VWF: variants seen among roughly 807,000 people sequenced by gnomAD.
VWF encodes the protein von Willebrand factor.
Under a neutral mutation model 308.6 loss-of-function variants are expected in VWF, and 176 were observed. The observed-to-expected ratio is 0.57, with a 90% confidence interval of 0.50 to 0.65. The LOEUF (loss-of-function observed/expected upper bound fraction) is 0.65, where lower values mean the gene tolerates loss of function less well. Ranked by LOEUF, VWF falls within the 30% of genes least tolerant of loss-of-function variation. The pLI is 0.00. For synonymous variants in VWF, 1,385 were observed against 1,443.4 expected, an observed-to-expected ratio of 0.96 and a Z score of 0.92; for missense variants, 3,146 against 3,648.2, an observed-to-expected ratio of 0.86 and a Z score of 3.55.
chr12:6,058,144 C>G lies in VWF; in HGVS notation c.1534-100G>C. 2 of 1,278,358 alleles carry G rather than the reference C, an allele frequency of 1.6e-6. No individual in the cohort carries two copies. The highest frequency in any genetic ancestry group is 1.5e-5 in the African/African-American group (1 of 66,040). 79.2% of individuals were successfully genotyped at this position (1,278,358 alleles called of 1,614,324 possible). A position where few individuals can be genotyped will look rare whatever the true frequency, so the allele number is the denominator to read the frequency against. On this transcript the variant is annotated intron_variant, in intron 13 of 51. Coordinates refer to ENST00000261405, the MANE Select transcript of VWF (RefSeq NM_000552.5). This position sits in a 1 kb window ranked among gnomAD's most constrained non-coding sequence, Gnocchi z 4.9. ...TTTTAATAAAAAAAAAAAAGTTCCC[C>G]GGGTGAAACATAAATATGAATGTAA... is the stretch of plus-strand genomic sequence containing the variant.
chr12:6,093,292 C>T (rs1565387020), intron 6 of VWF, among the ~76,000 whole-genome samples: 1 of 152,068 alleles, frequency 6.6e-6, no homozygotes, highest in Non-Finnish European at 1.5e-5. Context: ...GCCAAGGGCT[C>T]ACCACTGAGT....
At chr12:6,039,741 G>A (rs1166380700) in intron 18 of VWF, among the ~76,000 whole-genome samples, 3 of 152,124 alleles carry the variant, frequency 2.0e-5, no homozygotes, top group Non-Finnish European at 2.9e-5. Flanking sequence ...ATGTGAGGCC[G>A]CCTCTGGATG....
At chr12:5,995,134 G>C (rs981093732) in intron 35 of VWF, among the ~76,000 whole-genome samples, 4 of 152,088 alleles carry the variant, frequency 2.6e-5, no homozygotes, top group African/African-American at 7.2e-5. Context: ...TCCTCTTCCA[G>C]TGTGGCCCAG....
chr12:6,077,683 G>A (rs893156106), intron 6 of VWF, among the ~76,000 whole-genome samples: 8 of 152,198 alleles, frequency 5.3e-5, no homozygotes, highest in African/African-American at 1.7e-4. Flanking sequence ...GCACCACGTA[G>A]GCCAGCCATG....
chr12:5,977,920 A>G (rs1943550445), intron 42 of VWF, among the ~76,000 whole-genome samples: 1 of 148,298 alleles, frequency 6.7e-6, no homozygotes, highest in Non-Finnish European at 1.5e-5. Flanking sequence ...TATATAAATT[A>G]TAGGGTGGAG....
At position 5,994,142 on chromosome 12, in the gene VWF, G is replaced by A. The variant is rs776779205; in HGVS notation, c.6318C>T (p.Asp2106=). The change falls in exon 37 of 52, where the codon GAC becomes GAT. Residue 2106 remains aspartate, a synonymous_variant. Transcript: ENST00000261405. ...FMLRDGTVTT[D]WKTLVQEWTV... ...TCCATTCCTGAACAAGTGTTTTCCA[G>A]TCTGTGGTGACTGTGCCATCCCTCA... 5 of 1,614,074 alleles carry A rather than the reference G, an allele frequency of 3.1e-6. No homozygotes were observed. In the African/African-American group the frequency reaches 6.7e-5, roughly 22 times the overall value.
At chr12:5,971,264 T>C (rs953643795) in intron 44 of VWF, among the ~76,000 whole-genome samples, 1 of 152,216 alleles carries the variant, frequency 6.6e-6, no homozygotes, top group Non-Finnish European at 1.5e-5. Context: ...AGAACAGTAC[T>C]TGCAGCCTGT....
chr12:6,108,752 G>A (rs6489692), intron 5 of VWF, among the ~76,000 whole-genome samples: 97,107 of 151,828 alleles, frequency 0.64, 31,447 homozygotes, highest in African/African-American at 0.71. Context: ...GAGGCCGAGG[G>A]GGGCAGATCA....
At chr12:6,026,374 T>C (rs182003672) in intron 22 of VWF, among the ~76,000 whole-genome samples, 11 of 152,128 alleles carry the variant, frequency 7.2e-5, no homozygotes, top group Non-Finnish European at 1.5e-4. Flanking sequence ...ACTATCACTG[T>C]CCCCAACAAG....
chr12:6,064,236 C>T lies in VWF; in HGVS notation c.1432+10G>A, dbSNP rs767645999. 35 of 1,613,976 alleles carry T rather than the reference C, an allele frequency of 2.2e-5. No individual in the cohort carries two copies. The highest frequency in any genetic ancestry group is 2.1e-4 in the African/African-American group (16 of 74,934). On this transcript the variant is annotated intron_variant, in intron 12 of 51. Transcript: ENST00000261405. ...CAGCCCCAGGCCTGATGGAGCAGGA[C>T]GAAGCATACCTTTCAGGAGGGGGAG...
chr12:6,100,471 A>G (rs1445251420), intron 5 of VWF, among the ~76,000 whole-genome samples: 1 of 151,378 alleles, frequency 6.6e-6, no homozygotes, highest in African/African-American at 2.5e-5. Context: ...TATTCACAAT[A>G]GCAAAGACTT....
chr12:6,092,622 T>TGAGTGAGTGAGAGAGAGA (rs1403649370), intron 6 of VWF, among the ~76,000 whole-genome samples: 1 of 91,492 alleles, frequency 1.1e-5, no homozygotes, highest in South Asian at 3.2e-4. Flanking sequence ...AGTGAGAGTG[T>TGAGTGAGTGAGAGAGAGA]GTGTGTGTGT....
chr12:6,055,059 C>G (rs139453984), intron 15 of VWF, among the ~76,000 whole-genome samples: 1 of 152,278 alleles, frequency 6.6e-6, no homozygotes, highest in Non-Finnish European at 1.5e-5. Context: ...TCCTACCACC[C>G]TTTCTACCCT....
chr12:6,041,965 G>T (rs1944401488), intron 18 of VWF, among the ~76,000 whole-genome samples: 1 of 152,186 alleles, frequency 6.6e-6, no homozygotes, highest in Non-Finnish European at 1.5e-5. Context: ...AAACAACAAT[G>T]AAAGCTATTC....
chr12:6,036,365 C>G, intron 19 of VWF, 23 bp downstream of exon 19: 2 of 1,611,500 alleles, frequency 1.2e-6, no homozygotes, highest in Non-Finnish European at 8.5e-7. Flanking sequence ...GGGTCCCCGG[C>G]GCAGCCCCTC....
rs76516907 is a variant in VWF at position 6,046,980 on chromosome 12, G to A, written c.2187-163C>T. Among the ~76,000 whole-genome samples, 4,295 of 152,138 alleles carry A rather than the reference G, an allele frequency of 0.028. 189 individuals carry two copies. Among genetic ancestry groups the A allele is most frequent in the African/African-American group, 0.099 (4,099 of 41,472 alleles). On this transcript the variant is annotated intron_variant, in intron 16 of 51. Transcript: ENST00000261405. The surrounding 1 kb of genome is among the most constrained non-coding windows in gnomAD (Gnocchi z 5.0). The stretch of plus-strand genomic sequence containing the variant: ...AACGTTACCAATGGATGATCCCCAC[G>A]TCACTAAATCCCATGGGACTTTTTT...
At chr12:5,966,457 C>T (rs1028605481) in intron 47 of VWF, among the ~76,000 whole-genome samples, 147 of 152,264 alleles carry the variant, frequency 9.7e-4, no homozygotes, top group Non-Finnish European at 7.4e-5. Flanking sequence ...CAGACCCATC[C>T]GCTCCATACT....
chr12:5,971,797 G>A (rs916030101), intron 43 of VWF, 88 bp from the exon 44 acceptor site: 140 of 1,187,058 alleles, frequency 1.2e-4, no homozygotes, highest in Non-Finnish European at 1.7e-4. Flanking sequence ...CTGAGCCCTG[G>A]GGTTGTGCCA....
chr12:6,097,613 G>C (rs959866199), intron 5 of VWF, among the ~76,000 whole-genome samples: 1 of 152,152 alleles, frequency 6.6e-6, no homozygotes, highest in Non-Finnish European at 1.5e-5. Flanking sequence ...GATGCTTCCC[G>C]AGAGCTTCTG....
Sources: gnomAD v4.1 joint callset for allele counts (sites outside exome capture counted in the v4.1 genomes callset) on GRCh38, gnomAD v4.1.1 for gene constraint, Gnocchi (gnomAD v3.1) non-coding constraint, MANE v1.5 for transcripts, NCBI Gene and HGNC (gene_info 2026-07-23, HGNC 2026-07-21) for gene names.